Variants in AKAP6 observed in about 807,000 individuals in gnomAD.
The protein encoded by AKAP6 is A-kinase anchoring protein 6, also known as A-kinase anchor protein 6.
AKAP6 carries 58 observed loss-of-function variants against 188.5 expected under a neutral mutation model. That is an observed-to-expected ratio of 0.31 (90% CI 0.25 to 0.38). The LOEUF (loss-of-function observed/expected upper bound fraction) is 0.38. AKAP6 is among the 10% of genes least tolerant of loss of function. AKAP6 has a pLI of 1.00. For missense variants in AKAP6, 2,710 were observed against 2,740.0 expected (o/e 0.99, Z 0.24); for synonymous variants, 989 against 998.6 (o/e 0.99, Z 0.18).
At chr14:32,639,434 T>C (rs1327676027) in intron 7 of AKAP6, among the ~76,000 whole-genome samples, 4 of 152,124 alleles carry the variant, frequency 2.6e-5, no homozygotes, top group Non-Finnish European at 5.9e-5. Flanking sequence ...GAAATGTGTC[T>C]ATATAGCACA....
At chr14:32,678,538 G>T in intron 8 of AKAP6, 79 bp downstream of exon 8, 3 of 1,528,544 alleles carry the variant, frequency 2.0e-6, no homozygotes, top group African/African-American at 2.7e-5. Flanking sequence ...GTGTTAGGAA[G>T]GTATTTCCTC....
chr14:32,459,034 C>A (rs1001573355), intron 2 of AKAP6, among the ~76,000 whole-genome samples: 1 of 152,112 alleles, frequency 6.6e-6, no homozygotes, highest in Non-Finnish European at 1.5e-5. Context: ...AATAAAGGAA[C>A]ACTACTTGGC....
chr14:32,597,499 A>G (rs1194182090), intron 5 of AKAP6, among the ~76,000 whole-genome samples: 2 of 152,168 alleles, frequency 1.3e-5, no homozygotes, highest in African/African-American at 2.4e-5. Context: ...CAGTGGCAAA[A>G]AGTAAGTGCA....
At chr14:32,663,891 G>C (rs74041653) in intron 7 of AKAP6, among the ~76,000 whole-genome samples, 9 of 152,138 alleles carry the variant, frequency 5.9e-5, no homozygotes, top group East Asian at 3.9e-4. Context: ...CCTACATAAG[G>C]GGGGGAAATA....
intron 12 of AKAP6, among the ~76,000 whole-genome samples, chr14:32,784,327 A>G (rs1236421116): frequency 6.6e-6 from 1 of 152,152 alleles, no homozygotes; most frequent in Non-Finnish European, 1.5e-5. Context: ...AGTAAGAAGG[A>G]CACTTTTCCA....
chr14:32,488,823 C>T (rs1372175925), intron 2 of AKAP6, among the ~76,000 whole-genome samples: 1 of 152,148 alleles, frequency 6.6e-6, no homozygotes, highest in Non-Finnish European at 1.5e-5. Flanking sequence ...TGCTTCTGCT[C>T]CCCTTGGTGG....
chr14:32,675,771 C>T (rs774422374), intron 7 of AKAP6, among the ~76,000 whole-genome samples: 3 of 152,206 alleles, frequency 2.0e-5, no homozygotes, highest in Non-Finnish European at 4.4e-5. Flanking sequence ...TAGATTATAA[C>T]ATTTCAATCA....
chr14:32,611,101 T>G (rs1035959376), intron 7 of AKAP6, among the ~76,000 whole-genome samples: 1 of 151,366 alleles, frequency 6.6e-6, no homozygotes, highest in Non-Finnish European at 1.5e-5. Context: ...AAAGTAAGAG[T>G]GATAGTCTGG....
chr14:32,773,140 C>T (rs769307342), intron 11 of AKAP6, among the ~76,000 whole-genome samples: 16 of 151,910 alleles, frequency 1.1e-4, no homozygotes, highest in Non-Finnish European at 7.4e-5. Flanking sequence ...GTTAATCAAG[C>T]TTTGGAAGAG....
intron 12 of AKAP6, among the ~76,000 whole-genome samples, chr14:32,786,324 T>TTTTTTTTTTTTTTTTTTTTTA (rs1555362343): frequency 7.8e-6 from 1 of 127,682 alleles, no homozygotes; most frequent in Non-Finnish European, 1.6e-5. Context: ...TTTTTTTTTT[T>TTTTTTTTTTTTTTTTTTTTTA]TGAGACGGAA....
At chr14:32,359,669 A>C (rs897410656) in intron 1 of AKAP6, among the ~76,000 whole-genome samples, 1 of 151,496 alleles carries the variant, frequency 6.6e-6, no homozygotes, top group African/African-American at 2.4e-5. Context: ...AGTTTATGGT[A>C]ATTTGTCTGT....
intron 7 of AKAP6, among the ~76,000 whole-genome samples, chr14:32,653,326 C>A (rs1478738071): frequency 6.6e-6 from 1 of 152,036 alleles, no homozygotes; most frequent in Non-Finnish European, 1.5e-5. Flanking sequence ...GAATTGTAAT[C>A]CCCAATGCTG....
chr14:32,700,548 A>G (rs1220477892), intron 9 of AKAP6, among the ~76,000 whole-genome samples: 1 of 152,170 alleles, frequency 6.6e-6, no homozygotes, highest in Non-Finnish European at 1.5e-5. Context: ...TACATATGCA[A>G]TGGTTATCCC....
chr14:32,460,678 T>A (rs1891292804), intron 2 of AKAP6, among the ~76,000 whole-genome samples: 1 of 152,282 alleles, frequency 6.6e-6, no homozygotes, highest in Middle Eastern at 3.4e-3. Context: ...TGCAGGAGTT[T>A]TTTTCATACC....
chr14:32,357,869 C>A (rs1288934567), intron 1 of AKAP6, among the ~76,000 whole-genome samples: 5 of 152,182 alleles, frequency 3.3e-5, no homozygotes, highest in Admixed American at 1.3e-4. Context: ...TGCATTGTAG[C>A]ATATATGGCT....
chr14:32,577,086 C>A, intron 4 of AKAP6, 34 bp from the exon 5 acceptor site: 1 of 1,588,260 alleles, frequency 6.3e-7, no homozygotes, highest in African/African-American at 1.4e-5. Context: ...GCCTTTCTTG[C>A]CCCTTTTTTT....
chr14:32,586,498 G>A (rs528696632), intron 5 of AKAP6, among the ~76,000 whole-genome samples: 178 of 152,148 alleles, frequency 1.2e-3, no homozygotes, highest in Middle Eastern at 6.8e-3. Flanking sequence ...GTGGTGGCGC[G>A]TGTCTGTAGT....
intron 2 of AKAP6, among the ~76,000 whole-genome samples, chr14:32,513,591 T>C (rs527496496): frequency 6.6e-6 from 1 of 152,340 alleles, no homozygotes; most frequent in Admixed American, 6.5e-5. Flanking sequence ...ATCCTTCTTG[T>C]GCATAGTTTG....
chr14:32,736,062 A>G (rs2031407297), intron 11 of AKAP6, among the ~76,000 whole-genome samples, 180 bp downstream of exon 11: 1 of 152,182 alleles, frequency 6.6e-6, no homozygotes, highest in African/African-American at 2.4e-5. Flanking sequence ...AAAGATGAAC[A>G]TTAAGCATAT....
Sources: allele counts gnomAD v4.1 joint callset (sites outside exome capture counted in the v4.1 genomes callset), GRCh38; gene constraint gnomAD v4.1.1; transcripts MANE v1.5; gene names NCBI Gene and HGNC (gene_info 2026-07-23, HGNC 2026-07-21).